Variants in PBX1 observed in about 807,000 individuals in gnomAD.
The protein encoded by PBX1 is PBX homeobox 1.
A neutral mutation model predicts 53.4 loss-of-function variants in PBX1; 6 were observed. The observed-to-expected ratio is 0.11, with a 90% CI of 0.06 to 0.22. The LOEUF (loss-of-function observed/expected upper bound fraction) is 0.22. PBX1 is among the 10% of genes least tolerant of loss of function. The probability of loss-of-function intolerance (pLI) is 1.00; values close to 1 mark genes in which losing one functional copy is unlikely to be tolerated. For missense variants in PBX1, 251 were observed against 551.4 expected (o/e 0.46, Z 5.46); for synonymous variants, 204 against 212.3 (o/e 0.96, Z 0.34).
chr1:164,760,836 T>A (rs1234842678), intron 2 of PBX1, among the ~76,000 whole-genome samples: 1 of 152,208 alleles, frequency 6.6e-6, no homozygotes, highest in African/African-American at 2.4e-5. Context: ...GCTTGATGGG[T>A]AAGAATTTCT....
At chr1:164,641,919 T>C (rs909459881) in intron 2 of PBX1, 1 of 152,192 alleles carries the variant, frequency 6.6e-6, no homozygotes, top group South Asian at 2.1e-4. Context: ...AATTTTAAGC[T>C]TTTGATCCTC....
At chr1:164,581,173 C>G (rs146339520) in intron 2 of PBX1, among the ~76,000 whole-genome samples, 1 of 152,092 alleles carries the variant, frequency 6.6e-6, no homozygotes, top group African/African-American at 2.4e-5. Flanking sequence ...TCTCATCTGT[C>G]CAGTTACAGA....
At chr1:164,625,012 G>A (rs182367050) in intron 2 of PBX1, among the ~76,000 whole-genome samples, 1 of 152,158 alleles carries the variant, frequency 6.6e-6, no homozygotes, top group Non-Finnish European at 1.5e-5. Flanking sequence ...ATTTCTATAG[G>A]GTGGAAAAAT....
At chr1:164,667,537 T>G (rs1660876340) in intron 2 of PBX1, among the ~76,000 whole-genome samples, 1 of 152,036 alleles carries the variant, frequency 6.6e-6, no homozygotes, top group South Asian at 2.1e-4. Flanking sequence ...CCAGAAGCCT[T>G]AGATTATAGT....
chr1:164,784,730 G>C (rs9658952), intron 2 of PBX1, among the ~76,000 whole-genome samples: 36,961 of 152,114 alleles, frequency 0.24, 4,741 homozygotes, highest in African/African-American at 0.29. Context: ...AGTCAGCACG[G>C]TGCCTGGCAC....
At chr1:164,685,332 AG>A (rs1662035907) in intron 2 of PBX1, among the ~76,000 whole-genome samples, 1 of 152,166 alleles carries the variant, frequency 6.6e-6, no homozygotes, top group African/African-American at 2.4e-5. Flanking sequence ...TGTTATTTTT[AG>A]TTCTATTTAT....
Position 164,695,540 on chromosome 1 carries a change from T to C in PBX1, c.266-96954T>C, listed in dbSNP as rs560214905. Among the ~76,000 whole-genome samples the C allele has an allele frequency of 6.0e-4, 92 of 152,396 alleles. 1 individual carries two copies. Among genetic ancestry groups the C allele is most frequent in the African/African-American group, 2.1e-3 (89 of 41,604 alleles). On this transcript the variant is annotated intron_variant, in intron 2 of 8. Coordinates refer to ENST00000420696, the MANE Select transcript of PBX1 (RefSeq NM_002585.4). ...TGGCTGAGGCCTTGCCTGAGTATCC[T>C]GACCCAGTTCTAGATATTCCTCTTC...
At chr1:164,858,692 A>G (rs1298858055) in intron 2 of PBX1, among the ~76,000 whole-genome samples, 1 of 152,220 alleles carries the variant, frequency 6.6e-6, no homozygotes, top group Non-Finnish European at 1.5e-5. Flanking sequence ...TAAATGAATG[A>G]AGAATTGCAA....
At chr1:164,724,897 ACTTG>A (rs1393456764) in intron 2 of PBX1, among the ~76,000 whole-genome samples, 1 of 151,876 alleles carries the variant, frequency 6.6e-6, no homozygotes, top group Admixed American at 6.6e-5. Flanking sequence ...TGTTTACATA[ACTTG>A]CGGAGTGTTT....
intron 2 of PBX1, among the ~76,000 whole-genome samples, chr1:164,671,383 T>G (rs1486959249): frequency 6.6e-6 from 1 of 151,986 alleles, no homozygotes; most frequent in Non-Finnish European, 1.5e-5. Flanking sequence ...CCGTGTGAGG[T>G]GGAATTTTTC....
intron 2 of PBX1, among the ~76,000 whole-genome samples, chr1:164,874,673 T>C (rs1375671889): frequency 2.6e-5 from 4 of 152,174 alleles, no homozygotes; most frequent in Admixed American, 6.5e-5. Flanking sequence ...TTTGTATTTT[T>C]GGTAGAGACG....
At chr1:164,691,555 G>A (rs1260470430) in intron 2 of PBX1, among the ~76,000 whole-genome samples, 1 of 152,052 alleles carries the variant, frequency 6.6e-6, no homozygotes, top group African/African-American at 2.4e-5. Context: ...TTCTCTTTCA[G>A]TCCCATCTAG....
Position 164,851,282 on chromosome 1 carries a change from G to A in PBX1, c.*4606G>A. ...TCATTCAACAAATTATGTTCAGAAAGTGGTCAGAACTTAAGCAAGAAAAGT... is the reference window on the plus strand; with the variant it reads ...TCATTCAACAAATTATGTTCAGAAAATGGTCAGAACTTAAGCAAGAAAAGT... On this transcript the variant is annotated 3_prime_UTR_variant, in exon 9 of 9. Transcript: ENST00000420696. The A allele has an allele frequency of 4.9e-6, 1 of 205,884 alleles. No homozygotes were observed. The highest frequency in any genetic ancestry group is 2.3e-5 in the African/African-American group (1 of 43,948). 12.8% of individuals were successfully genotyped at this position (205,884 alleles called of 1,614,324 possible). A position where few individuals can be genotyped will look rare whatever the true frequency, so the allele number is the denominator to read the frequency against.
At chr1:164,682,684 A>C (rs993550042) in intron 2 of PBX1, 1 of 152,174 alleles carries the variant, frequency 6.6e-6, no homozygotes, top group South Asian at 2.1e-4. Flanking sequence ...GTTAAATAGC[A>C]ACCTCATTCC....
intron 2 of PBX1, among the ~76,000 whole-genome samples, chr1:164,869,404 G>C (rs1672295591): frequency 6.6e-6 from 1 of 152,174 alleles, no homozygotes; most frequent in Non-Finnish European, 1.5e-5. Context: ...AGTGGGTCTG[G>C]CAGATTTCTA....
intron 2 of PBX1, among the ~76,000 whole-genome samples, chr1:164,730,391 G>A (rs1289923864): frequency 6.6e-6 from 1 of 152,158 alleles, no homozygotes; most frequent in Non-Finnish European, 1.5e-5. Context: ...CTCAGTAGTA[G>A]GAGATATGGG....
chr1:164,694,183 G>A (rs1662668084), intron 2 of PBX1, among the ~76,000 whole-genome samples: 1 of 152,094 alleles, frequency 6.6e-6, no homozygotes, highest in Admixed American at 6.5e-5. Context: ...CACTCTTGCT[G>A]TATTTGATCC....
At chr1:164,564,397 C>T (rs1653281872) in intron 2 of PBX1, among the ~76,000 whole-genome samples, 1 of 151,136 alleles carries the variant, frequency 6.6e-6, no homozygotes, top group Non-Finnish European at 1.5e-5. Flanking sequence ...GATAGTTACA[C>T]ATAAAAAATG....
At chr1:164,610,803 C>T (rs539075829) in intron 2 of PBX1, among the ~76,000 whole-genome samples, 1 of 152,338 alleles carries the variant, frequency 6.6e-6, no homozygotes, top group South Asian at 2.1e-4. Context: ...GGTACATTTG[C>T]ATGCTCCCCT....
Sources: allele counts gnomAD v4.1 joint callset (sites outside exome capture counted in the v4.1 genomes callset), GRCh38; gene constraint gnomAD v4.1.1; transcripts MANE v1.5; gene names NCBI Gene and HGNC (gene_info 2026-07-23, HGNC 2026-07-21).